NRG3: variants seen among roughly 807,000 people sequenced by gnomAD.
NRG3 encodes the protein pro-neuregulin-3, membrane-bound isoform.
A neutral mutation model predicts 66.9 loss-of-function variants in NRG3; 31 were observed. The ratio of observed to expected loss-of-function variants is 0.46; its 90% CI spans 0.35 to 0.63. The LOEUF (loss-of-function observed/expected upper bound fraction) is 0.63, where lower values mean the gene tolerates loss of function less well. NRG3 is among the 20% of genes least tolerant of loss of function. The pLI, the probability that NRG3 is intolerant of heterozygous loss-of-function variation, is 0.00. For synonymous variants in NRG3, 393 were observed against 359.4 expected (o/e 1.09, Z -1.06); for missense variants, 910 against 878.9 (o/e 1.04, Z -0.45).
chr10:82,398,431 C>G (rs2086854398), intron 2 of NRG3, among the ~76,000 whole-genome samples: 2 of 151,474 alleles, frequency 1.3e-5, no homozygotes, highest in South Asian at 4.2e-4. Context: ...CTAATTTGAA[C>G]AAGTGAGATC....
intron 1 of NRG3, among the ~76,000 whole-genome samples, chr10:82,291,277 T>G (rs2079728609): frequency 6.6e-6 from 1 of 152,136 alleles, no homozygotes; most frequent in Non-Finnish European, 1.5e-5. Flanking sequence ...CGTGATTAGA[T>G]GTAAACTTTA....
intron 1 of NRG3, among the ~76,000 whole-genome samples, chr10:82,268,662 C>T (rs936303394): frequency 2.0e-4 from 31 of 152,002 alleles, no homozygotes; most frequent in Non-Finnish European, 4.0e-4. Flanking sequence ...AAGACATGGA[C>T]CTAATGATCC....
chr10:82,387,762 A>G (rs979050186), intron 2 of NRG3, among the ~76,000 whole-genome samples: 8 of 152,214 alleles, frequency 5.3e-5, no homozygotes, highest in Non-Finnish European at 1.0e-4. Context: ...TTAAAAATGT[A>G]AGTTCATGAT....
chr10:82,335,601 C>T (rs1222256538), intron 1 of NRG3, among the ~76,000 whole-genome samples: 1 of 152,124 alleles, frequency 6.6e-6, no homozygotes, highest in Non-Finnish European at 1.5e-5. Context: ...CCATGATCAT[C>T]ATGCCACTGT....
chr10:82,043,801 A>G (rs1247125944), intron 1 of NRG3, among the ~76,000 whole-genome samples: 1 of 152,094 alleles, frequency 6.6e-6, no homozygotes, highest in African/African-American at 2.4e-5. Flanking sequence ...TGGTTTTGAC[A>G]TATAACAAAA....
At chr10:82,579,887 C>T (rs1455466924) in intron 2 of NRG3, among the ~76,000 whole-genome samples, 1 of 151,878 alleles carries the variant, frequency 6.6e-6, no homozygotes, top group Non-Finnish European at 1.5e-5. Context: ...CAAGCTGTCT[C>T]TGAAAATTAT....
chr10:82,882,513 A>G (rs953338643), intron 4 of NRG3, among the ~76,000 whole-genome samples: 5 of 152,292 alleles, frequency 3.3e-5, no homozygotes, highest in African/African-American at 7.2e-5. Context: ...CTCAAAAAGG[A>G]TGGTGGAGGG....
intron 2 of NRG3, among the ~76,000 whole-genome samples, chr10:82,492,936 G>C (rs1484774032): frequency 6.6e-6 from 1 of 152,076 alleles, no homozygotes; most frequent in Non-Finnish European, 1.5e-5. Flanking sequence ...ACTAAATTGA[G>C]CTTTGTATTC....
At chr10:82,195,736 C>T (rs1380428389) in intron 1 of NRG3, among the ~76,000 whole-genome samples, 2 of 152,046 alleles carry the variant, frequency 1.3e-5, no homozygotes, top group African/African-American at 4.8e-5. Context: ...GGAGATTATC[C>T]TGCACTACCT....
chr10:82,466,930 A>G (rs1306717710), intron 2 of NRG3, among the ~76,000 whole-genome samples: 1 of 151,716 alleles, frequency 6.6e-6, no homozygotes, highest in African/African-American at 2.4e-5. Flanking sequence ...AAAAAAAAAC[A>G]AAACATATTG....
At chr10:82,652,076 T>C (rs1385958584) in intron 2 of NRG3, among the ~76,000 whole-genome samples, 1 of 152,166 alleles carries the variant, frequency 6.6e-6, no homozygotes, top group East Asian at 1.9e-4. Context: ...TTCATTCACT[T>C]GGACCTGCTG....
intron 3 of NRG3, among the ~76,000 whole-genome samples, chr10:82,840,059 C>A (rs2062980061): frequency 6.6e-6 from 1 of 152,020 alleles, no homozygotes. Context: ...CTAATATGCA[C>A]ATAAAGAATC....
chr10:82,319,948 T>C (rs78927363), intron 1 of NRG3, among the ~76,000 whole-genome samples: 1 of 152,212 alleles, frequency 6.6e-6, no homozygotes, highest in African/African-American at 2.4e-5. Context: ...AATGTGGCTG[T>C]GTTGGGAAGG....
At chr10:82,255,644 C>T (rs1419205160) in intron 1 of NRG3, among the ~76,000 whole-genome samples, 1 of 152,140 alleles carries the variant, frequency 6.6e-6, no homozygotes, top group South Asian at 2.1e-4. Flanking sequence ...GCTCTGTCGT[C>T]CAGGCTGGAG....
chr10:82,487,640 A>G (rs1842789109), intron 2 of NRG3, among the ~76,000 whole-genome samples: 1 of 152,218 alleles, frequency 6.6e-6, no homozygotes, highest in African/African-American at 2.4e-5. Flanking sequence ...AATGACCAAG[A>G]CTACAATTAT....
At chr10:82,050,888 C>T (rs576059674) in intron 1 of NRG3, among the ~76,000 whole-genome samples, 6 of 150,258 alleles carry the variant, frequency 4.0e-5, no homozygotes, top group Admixed American at 2.0e-4. Flanking sequence ...TCTTTAGCCA[C>T]GTCCTCATGC....
At chr10:81,984,679 C>T (rs893623269) in intron 1 of NRG3, among the ~76,000 whole-genome samples, 14 of 152,170 alleles carry the variant, frequency 9.2e-5, no homozygotes, top group Admixed American at 4.6e-4. Flanking sequence ...TAAATGTTTG[C>T]ATTATCTTCT....
intron 1 of NRG3, among the ~76,000 whole-genome samples, chr10:81,969,107 G>T (rs1402095177): frequency 6.6e-6 from 1 of 152,122 alleles, no homozygotes; most frequent in Non-Finnish European, 1.5e-5. Flanking sequence ...AACAGATTAT[G>T]AGGGGTAAGA....
At chr10:82,169,463 C>T (rs1042123624) in intron 1 of NRG3, among the ~76,000 whole-genome samples, 2 of 150,718 alleles carry the variant, frequency 1.3e-5, no homozygotes, top group Non-Finnish European at 3.0e-5. Flanking sequence ...TTTTCACTTC[C>T]CTTCTGAATT....
Sources: allele counts gnomAD v4.1 joint callset (sites outside exome capture counted in the v4.1 genomes callset), GRCh38; gene constraint gnomAD v4.1.1; transcripts MANE v1.5; gene names NCBI Gene and HGNC (gene_info 2026-07-23, HGNC 2026-07-21).